Variants in WFDC9 observed in about 807,000 individuals in gnomAD.
WFDC9 encodes the protein protein WFDC9.
Under a neutral mutation model 9.5 loss-of-function variants are expected in WFDC9, and 9 were observed. That is an observed-to-expected ratio of 0.95 (90% CI 0.57 to 1.65). WFDC9 has a LOEUF of 1.65. WFDC9 is among the 40% of genes most tolerant of loss of function. WFDC9 has a pLI of 0.00. For synonymous variants in WFDC9, 33 were observed against 32.3 expected, an observed-to-expected ratio of 1.02 and a Z score of -0.07; for missense variants, 87 against 106.7, an observed-to-expected ratio of 0.82 and a Z score of 0.81.
chr20:45,625,367 A>C (rs1787789486), intron 1 of WFDC9, among the ~76,000 whole-genome samples: 1 of 152,200 alleles, frequency 6.6e-6, no homozygotes, highest in African/African-American at 2.4e-5. Context: ...GAGCCAAACC[A>C]CATCAAATAC....
chr20:45,617,547 A>T (rs925879271), intron 1 of WFDC9, among the ~76,000 whole-genome samples: 1 of 152,214 alleles, frequency 6.6e-6, no homozygotes, highest in South Asian at 2.1e-4. Context: ...AATTTTAGAG[A>T]CAGGGTCTTG....
intron 1 of WFDC9, among the ~76,000 whole-genome samples, chr20:45,620,364 G>T (rs971846442): frequency 6.6e-6 from 1 of 152,136 alleles, no homozygotes; most frequent in African/African-American, 2.4e-5. Flanking sequence ...GGCAGAGGTG[G>T]GTGGATTGCT....
intron 1 of WFDC9, among the ~76,000 whole-genome samples, chr20:45,621,862 C>T (rs1982108989): frequency 6.6e-6 from 1 of 152,162 alleles, no homozygotes. Context: ...GTTGACTTTG[C>T]TTTGTAGTCT....
chr20:45,628,856 A>G (rs1395054467), intron 1 of WFDC9, among the ~76,000 whole-genome samples: 1 of 152,194 alleles, frequency 6.6e-6, no homozygotes, highest in Non-Finnish European at 1.5e-5. Context: ...CCCAGCTTGC[A>G]TGCCTACTGG....
chr20:45,625,720 C>T (rs1367894310), intron 1 of WFDC9, among the ~76,000 whole-genome samples: 1 of 151,210 alleles, frequency 6.6e-6, no homozygotes, highest in Admixed American at 6.6e-5. Flanking sequence ...ACTGAAGAGA[C>T]TATCCTTTCC....
At chr20:45,618,993 G>T (rs1392624134) in intron 1 of WFDC9, among the ~76,000 whole-genome samples, 1 of 152,144 alleles carries the variant, frequency 6.6e-6, no homozygotes, top group Non-Finnish European at 1.5e-5. Context: ...AGTGCACTGA[G>T]GGGCAGGAAG....
At chr20:45,611,989 C>T (rs1338568165) in intron 2 of WFDC9, among the ~76,000 whole-genome samples, 1 of 152,160 alleles carries the variant, frequency 6.6e-6, no homozygotes, top group African/African-American at 2.4e-5. Flanking sequence ...AGCCGTGGAG[C>T]CTGGGCCAGC....
At chr20:45,629,894 G>A (rs142723462) in intron 1 of WFDC9, 1 of 1,613,620 alleles carries the variant, frequency 6.2e-7, no homozygotes, top group East Asian at 2.2e-5. Context: ...GTGACAAGAA[G>A]AGGATGCAGA....
At position 45,610,575 on chromosome 20, in the gene WFDC9, T is replaced by C. The variant is rs191317799; in HGVS notation, c.-58-336A>G. On this transcript the variant is annotated intron_variant, in intron 2 of 4. Coordinates refer to ENST00000326000, the MANE Select transcript of WFDC9 (RefSeq NM_147198.4). ...ATCAATATATGTCTATACTTTTATG[T>C]TGTAGTCATTATTTTTATGAAATTG... Among the ~76,000 whole-genome samples, 132 of 152,326 alleles carry C rather than the reference T, an allele frequency of 8.7e-4. 1 individual carries two copies. The highest frequency in any genetic ancestry group is 2.7e-3 in the Admixed American group (42 of 15,296).
chr20:45,624,760 C>T (rs73291890), intron 1 of WFDC9, among the ~76,000 whole-genome samples: 1,967 of 152,250 alleles, frequency 0.013, 43 homozygotes, highest in African/African-American at 0.045. Context: ...GTTATTGTAG[C>T]GATCCTGACT....
At chr20:45,630,856 A>T in intron 1 of WFDC9, 1 of 1,588,094 alleles carries the variant, frequency 6.3e-7, no homozygotes, top group Non-Finnish European at 8.6e-7. Context: ...TTACCGTTCT[A>T]TTCTCCTTGT....
chr20:45,608,557 C>T, intron 4 of WFDC9, 106 bp downstream of exon 4: 1 of 1,390,468 alleles, frequency 7.2e-7, no homozygotes, highest in South Asian at 1.4e-5. Context: ...CTTTTGCTGC[C>T]TATTTCTTTA....
intron 1 of WFDC9, among the ~76,000 whole-genome samples, chr20:45,615,018 T>C (rs1212154742): frequency 6.6e-6 from 1 of 152,140 alleles, no homozygotes; most frequent in Non-Finnish European, 1.5e-5. Flanking sequence ...ATGTAGGAAG[T>C]TGGGAACAGT....
At chr20:45,623,156 A>G (rs1361606657) in intron 1 of WFDC9, among the ~76,000 whole-genome samples, 1 of 152,212 alleles carries the variant, frequency 6.6e-6, no homozygotes, top group Non-Finnish European at 1.5e-5. Flanking sequence ...TCATACAGTT[A>G]TTCACCAAGA....
intron 1 of WFDC9, among the ~76,000 whole-genome samples, chr20:45,616,564 T>A (rs1981979205): frequency 2.6e-5 from 4 of 152,340 alleles, no homozygotes; most frequent in South Asian, 4.1e-4. Context: ...AGGAATTTTT[T>A]AATTTACTTT....
chr20:45,608,381 A>T (rs942422706), intron 4 of WFDC9, among the ~76,000 whole-genome samples: 1 of 152,178 alleles, frequency 6.6e-6, no homozygotes, highest in Admixed American at 6.5e-5. Flanking sequence ...GGGGTTAGTA[A>T]TTGGAACTTT....
At chr20:45,620,227 GA>G (rs1272928145) in intron 1 of WFDC9, among the ~76,000 whole-genome samples, 2 of 152,118 alleles carry the variant, frequency 1.3e-5, no homozygotes, top group Admixed American at 6.6e-5. Flanking sequence ...ATTTTCAAAA[GA>G]AAATATTGTA....
intron 3 of WFDC9, among the ~76,000 whole-genome samples, chr20:45,609,423 G>A (rs1021222148): frequency 9.2e-5 from 14 of 151,802 alleles, no homozygotes; most frequent in African/African-American, 3.1e-4. Flanking sequence ...GGGCAGTCTC[G>A]AACCCCTGAC....
At chr20:45,611,661 G>A (rs2145595341) in intron 2 of WFDC9, among the ~76,000 whole-genome samples, 1 of 152,204 alleles carries the variant, frequency 6.6e-6, no homozygotes, top group Middle Eastern at 3.4e-3. Flanking sequence ...ATGTCCTGAT[G>A]AACCTCCTTA....
Sources: gnomAD v4.1 joint callset for allele counts (sites outside exome capture counted in the v4.1 genomes callset) on GRCh38, gnomAD v4.1.1 for gene constraint, MANE v1.5 for transcripts, NCBI Gene and HGNC (gene_info 2026-07-23, HGNC 2026-07-21) for gene names.